The following MYO7A variants were observed in gnomAD, a reference collection of about 807,000 sequenced individuals.
MYO7A encodes unconventional myosin-VIIa.
MYO7A carries 210 observed loss-of-function variants against 263.8 expected under a neutral mutation model. The ratio of observed to expected loss-of-function variants is 0.80; its 90% CI spans 0.71 to 0.89. The LOEUF (loss-of-function observed/expected upper bound fraction) is 0.89, where lower values mean the gene tolerates loss of function less well. Ranked by LOEUF, MYO7A falls within the 40% of genes least tolerant of loss-of-function variation. The pLI is 0.00. For missense variants in MYO7A, 2,820 were observed against 2,968.3 expected (o/e 0.95, Z 1.16); for synonymous variants, 1,239 against 1,197.3 (o/e 1.03, Z -0.72).
Position 77,182,522 on chromosome 11 carries a change from T to C in MYO7A, c.3207T>C (p.Pro1069=), listed in dbSNP as rs1555085514. The C allele has an allele frequency of 6.2e-7, 1 of 1,612,920 alleles. No individual in the cohort carries two copies. Residue 1069 remains proline, a synonymous_variant, in exon 25 of 49, where the codon CCT becomes CCC. Transcript: ENST00000409709. ...TAMSDGSEKI[P]VMTKIYETLG... is the part of the protein sequence containing the mutation. ...TGAGTGATGGCAGTGAGAAGATCCC[T>C]GTGATGACCAAGATTTATGAGACCC...
intron 27 of MYO7A, among the ~76,000 whole-genome samples, chr11:77,185,220 C>T (rs1032639646): frequency 2.0e-5 from 3 of 152,010 alleles, no homozygotes; most frequent in South Asian, 2.1e-4. Flanking sequence ...GAGGTGGCTG[C>T]GACAATTTAT....
chr11:77,198,715 T>C, intron 34 of MYO7A, 94 bp downstream of exon 34: 1 of 1,553,398 alleles, frequency 6.4e-7, no homozygotes, highest in Non-Finnish European at 8.7e-7. Flanking sequence ...AGGCATGAAG[T>C]GGCCTGCCTG....
At chr11:77,192,875 T>C in intron 31 of MYO7A, among the ~76,000 whole-genome samples, 1 of 142,398 alleles carries the variant, frequency 7.0e-6, no homozygotes. Flanking sequence ...ATGATGGTGG[T>C]GATGGTGGAG....
chr11:77,165,953 G>A (rs1220843843), intron 14 of MYO7A, 103 bp from the exon 15 acceptor site: 7 of 772,438 alleles, frequency 9.1e-6, no homozygotes, highest in Non-Finnish European at 1.5e-5. Flanking sequence ...AATGGATGTG[G>A]TGGAACTAGG....
chr11:77,172,767 G>T lies in MYO7A; in HGVS notation c.1817G>T (p.Arg606Leu), dbSNP rs782311929. The change falls in exon 16 of 49, where the codon CGC becomes CTC. Residue 606 changes from arginine to leucine, a missense_variant. Arg to Leu is a moderately radical substitution (Grantham distance 102). Transcript: ENST00000409709. The part of the protein sequence containing the change: ...DVAMGAETRK[R>L]SPTLSSQFKR... ...CCCCAGGGCGCCGAGACCAGGAAGC[G>T]CTCGCCCACACTTAGCAGCCAGTTC... 2.6e-6 allele frequency: 4 copies of T among 1,558,530 alleles called. No homozygotes were observed. Among genetic ancestry groups the T allele is most frequent in the Non-Finnish European group, 3.5e-6 (4 of 1,151,918 alleles).
Position 77,211,344 on chromosome 11 carries a change from ATGGGGTGGGCATCGGGAATGG to A in MYO7A, c.6237+13_6237+33del, listed in dbSNP as rs1247442634. 12 of 1,571,938 alleles carry A rather than the reference ATGGGGTGGGCATCGGGAATGG, an allele frequency of 7.6e-6. No individual in the cohort carries two copies. In the Admixed American group the frequency reaches 2.0e-4, roughly 27 times the overall value. ...ACCTGATGACTGGAAGCGGGTGAGC[ATGGGGTGGGCATCGGGAATGG>A]TGGGGCCCTGAATGGGCCTCGGGGC... On this transcript the variant is annotated splice_region_variant and intron_variant, in intron 45 of 48. Transcript: ENST00000409709.
chr11:77,175,259 C>T (rs1364087462), intron 17 of MYO7A, 113 bp from the exon 18 acceptor site: 6 of 978,258 alleles, frequency 6.1e-6, no homozygotes, highest in Admixed American at 2.1e-5. Context: ...GGTCACACTT[C>T]GAGTCAGGGG....
intron 2 of MYO7A, among the ~76,000 whole-genome samples, chr11:77,137,408 A>T (rs1555047962): frequency 6.6e-6 from 1 of 151,052 alleles, no homozygotes; most frequent in East Asian, 2.0e-4. Flanking sequence ...GGCTTCCAGG[A>T]TACTAGGCAA....
chr11:77,176,157 C>A (rs569746678), intron 18 of MYO7A, among the ~76,000 whole-genome samples: 2 of 152,140 alleles, frequency 1.3e-5, no homozygotes, highest in Admixed American at 6.5e-5. Flanking sequence ...GGGGGTGGGG[C>A]CTGGGCACTC....
At position 77,203,307 on chromosome 11, in the gene MYO7A, G is replaced by T. The variant is rs114402566; in HGVS notation, c.5326+90G>T. The T allele has an allele frequency of 7.7e-6, 11 of 1,423,930 alleles. No individual in the cohort carries two copies. The East Asian group carries it at 1.3e-4, about 16-fold the overall frequency. The allele number at this position is 1,423,930 out of a possible 1,614,324, so 88.2% of individuals were successfully genotyped here. On this transcript the variant is annotated intron_variant, in intron 38 of 48. Coordinates refer to ENST00000409709, the MANE Select transcript of MYO7A (RefSeq NM_000260.4). ...TGCCTTCCTCCTGAGGGCCTGCTGC[G>T]ACCCGGGCACACATGGGGAGGGTTG...
chr11:77,159,945 G>A (rs1280423587), intron 10 of MYO7A, among the ~76,000 whole-genome samples: 1 of 152,236 alleles, frequency 6.6e-6, no homozygotes, highest in Non-Finnish European at 1.5e-5. Context: ...ATGCTGGAGG[G>A]AGTTAAGCGG....
At chr11:77,193,566 G>A (rs1295242296) in intron 31 of MYO7A, among the ~76,000 whole-genome samples, 3 of 152,090 alleles carry the variant, frequency 2.0e-5, no homozygotes, top group African/African-American at 7.2e-5. Flanking sequence ...TGGTAGTTTT[G>A]TTGGTGATAG....
In MYO7A at chr11:77,213,899, T is replaced by G. The variant is rs1003695470; in HGVS notation, c.6478T>G (p.Trp2160Gly). Residue 2160 changes from tryptophan (W) to glycine (G), a missense_variant, in exon 48 of 49, where the codon TGG becomes GGG. Coordinates refer to ENST00000409709, the MANE Select transcript of MYO7A (RefSeq NM_000260.4). ...TCATCCCTTCACCAAGATCTCCAAC[T>G]GGAGCAGCGGCAACACCTACTTCCA... ...TTHPFTKISN[W>G]SSGNTYFHIT... 1.2e-6 allele frequency: 2 copies of G among 1,614,044 alleles called. No individual in the cohort carries two copies. The highest frequency in any genetic ancestry group is 4.5e-5 in the East Asian group (2 of 44,870).
intron 40 of MYO7A, among the ~76,000 whole-genome samples, chr11:77,205,878 C>T (rs930465917): frequency 3.9e-5 from 6 of 152,166 alleles, no homozygotes; most frequent in Admixed American, 1.3e-4. Context: ...TCATACTCTC[C>T]GAGGGCACTT....
At chr11:77,173,726 C>T (rs1351026018) in intron 16 of MYO7A, among the ~76,000 whole-genome samples, 2 of 152,102 alleles carry the variant, frequency 1.3e-5, no homozygotes, top group East Asian at 1.9e-4. Context: ...AAACAGTCTC[C>T]GGAAGCTGAC....
chr11:77,159,499 G>A lies in MYO7A; in HGVS notation c.1056G>A (p.Leu352=), dbSNP rs886044867. Reference sequence around the variant, plus strand: ...GTGAGGTTCTCTTCTCCCCATCGCTGGCCACAGCTGCATCCCTGCTTGAGG... The same window carrying A: ...GTGAGGTTCTCTTCTCCCCATCGCTAGCCACAGCTGCATCCCTGCTTGAGG... The part of the protein sequence containing the change: ...DACEVLFSPS[L]ATAASLLEVN... Residue 352 remains leucine, a synonymous_variant, in exon 10 of 49, where the codon CTG becomes CTA. Transcript: ENST00000409709. The A allele has an allele frequency of 1.2e-6, 2 of 1,611,742 alleles. No individual in the cohort carries two copies. The highest frequency in any genetic ancestry group is 3.4e-5 in the Admixed American group (2 of 59,646).
In MYO7A at chr11:77,198,382, A is replaced by G. The variant is rs3781692; in HGVS notation, c.4442-113A>G. On this transcript the variant is annotated intron_variant, in intron 33 of 48. Transcript: ENST00000409709. ...TTGTGCTCTCTGAGCCTCAGTTTCC[A>G]TATCTATAAAATAGAAATCAGTGTA... is the stretch of plus-strand genomic sequence containing the variant. 0.27 allele frequency: 375,693 copies of G among 1,378,918 alleles called. 53,699 individuals carry two copies. Among genetic ancestry groups the G allele is most frequent in the Admixed American group, 0.47 (20,649 of 44,320 alleles). 85.4% of individuals were successfully genotyped at this position (1,378,918 alleles called of 1,614,324 possible).
rs148248314 is a variant in MYO7A, at chr11:77,159,644, G to A, written c.1080+121G>A. The A allele has an allele frequency of 1.2e-4, 119 of 992,254 alleles. No homozygotes were observed. In the Middle Eastern group the frequency reaches 1.3e-3, roughly 11 times the overall value. The allele number at this position is 992,254 out of a possible 1,614,324, so 61.5% of individuals were successfully genotyped here. On this transcript the variant is annotated intron_variant, in intron 10 of 48. Coordinates refer to ENST00000409709, the MANE Select transcript of MYO7A (RefSeq NM_000260.4). ...GGGACCCTCTGGTTTGGAGAGTTCTGTTCAATATGGAGAAGCAACCATGTG... is the reference window on the plus strand; with the variant it reads ...GGGACCCTCTGGTTTGGAGAGTTCTATTCAATATGGAGAAGCAACCATGTG...
At chr11:77,173,945 C>T (rs574881699) in intron 16 of MYO7A, among the ~76,000 whole-genome samples, 5 of 152,110 alleles carry the variant, frequency 3.3e-5, no homozygotes, top group Admixed American at 2.0e-4. Context: ...GGGACCCTTC[C>T]CTCGGCCCAG....
Sources: allele counts gnomAD v4.1 joint callset (sites outside exome capture counted in the v4.1 genomes callset), GRCh38; gene constraint gnomAD v4.1.1; transcripts MANE v1.5; gene names NCBI Gene and HGNC (gene_info 2026-07-23, HGNC 2026-07-21).